EML1: variants seen among roughly 807,000 people sequenced by gnomAD.
EML1 encodes echinoderm microtubule-associated protein-like 1.
In EML1, 27 loss-of-function variants were observed where a neutral mutation model predicts 110.4. That is an observed-to-expected ratio of 0.24 (90% CI 0.18 to 0.34). EML1 has a LOEUF of 0.34. EML1 is among the 10% of genes least tolerant of loss of function. EML1 has a pLI of 1.00. For synonymous variants in EML1, 344 were observed against 385.8 expected, an observed-to-expected ratio of 0.89 and a Z score of 1.27; for missense variants, 741 against 1,030.9, an observed-to-expected ratio of 0.72 and a Z score of 3.85.
intron 9 of EML1, among the ~76,000 whole-genome samples, chr14:99,903,524 C>A (rs1052249903): frequency 2.6e-5 from 4 of 152,100 alleles, no homozygotes; most frequent in Non-Finnish European, 1.5e-5. Context: ...TTGGTTACTC[C>A]TGGAGCATAC....
At chr14:99,823,239 A>G (rs1276020617) in intron 1 of EML1, among the ~76,000 whole-genome samples, 1 of 152,068 alleles carries the variant, frequency 6.6e-6, no homozygotes, top group African/African-American at 2.4e-5. Context: ...TGCTGCTGGC[A>G]GAGTAGCTTC....
At position 99,785,639 on chromosome 14, in the gene EML1, A is replaced by C. The variant is rs190534024; in HGVS notation, c.-27+11626A>C. Among the ~76,000 whole-genome samples, 202 of 152,326 alleles carry C rather than the reference A, an allele frequency of 1.3e-3. 1 individual carries two copies. Among genetic ancestry groups the C allele is most frequent in the Non-Finnish European group, 2.4e-4 (16 of 68,036 alleles). On this transcript the variant is annotated intron_variant, in intron 1 of 22. Coordinates refer to the EML1 transcript ENST00000327921. ...TGATATTAATATCGGTTCTGAGCAA[A>C]AATTTTCACAGATCTTTGAAGAGCT...
In EML1 at chr14:99,781,465, G is replaced by T. The variant is rs570197813; in HGVS notation, c.-27+7452G>T. Among the ~76,000 whole-genome samples, 1 of 152,288 alleles carries T rather than the reference G, an allele frequency of 6.6e-6. No homozygotes were observed. The highest frequency in any genetic ancestry group is 2.1e-4 in the South Asian group (1 of 4,824). On this transcript the variant is annotated intron_variant, in intron 1 of 22. Coordinates refer to the EML1 transcript ENST00000327921. This position sits in a 1 kb window ranked among gnomAD's most constrained non-coding sequence, Gnocchi z 4.2. ...TCCTCTCTTGGCTTCTTCTGCATCC[G>T]CAGTGTGGTCTGGCGGGCCAGTTCC...
At chr14:99,909,811 G>A (rs559625309) in intron 11 of EML1, among the ~76,000 whole-genome samples, 1 of 152,260 alleles carries the variant, frequency 6.6e-6, no homozygotes, top group East Asian at 1.9e-4. Context: ...CTTTTGTCTG[G>A]ACGTTGTGGG....
intron 17 of EML1, among the ~76,000 whole-genome samples, chr14:99,923,827 AT>A (rs973615681): frequency 1.3e-5 from 2 of 151,968 alleles, no homozygotes; most frequent in African/African-American, 2.4e-5. Flanking sequence ...GTTTTTTGAA[AT>A]TTTTTTGTAG....
intron 8 of EML1, among the ~76,000 whole-genome samples, chr14:99,900,177 A>G (rs1177292565): frequency 7.3e-6 from 1 of 137,580 alleles, no homozygotes; most frequent in Admixed American, 7.7e-5. Flanking sequence ...AAGAATATTA[A>G]GCTCTTTTTT....
chr14:99,917,919 C>T, intron 16 of EML1, 70 bp downstream of exon 16: 2 of 1,486,210 alleles, frequency 1.3e-6, no homozygotes, highest in South Asian at 1.1e-5. Flanking sequence ...TCTATTTCCC[C>T]AGGAACAGGC....
At chr14:99,893,845 TATC>T (rs2059629317) in intron 5 of EML1, among the ~76,000 whole-genome samples, 2 of 152,234 alleles carry the variant, frequency 1.3e-5, no homozygotes, top group South Asian at 2.1e-4. Flanking sequence ...TCTTTGCCCT[TATC>T]ATATCCTGAG....
intron 13 of EML1, among the ~76,000 whole-genome samples, chr14:99,912,246 T>G (rs1474136475): frequency 1.3e-5 from 2 of 152,212 alleles, no homozygotes; most frequent in Non-Finnish European, 2.9e-5. Context: ...AACTAGTATT[T>G]GTTGAGTATC....
chr14:99,907,703 G>A lies in EML1; in HGVS notation c.1074G>A (p.Trp358Ter). 6.2e-7 allele frequency: 1 copy of A among 1,614,158 alleles called. No individual in the cohort carries two copies. The highest frequency in any genetic ancestry group is 8.5e-7 in the Non-Finnish European group (1 of 1,180,026). The part of the protein sequence containing the change: ...SNDHVLSVWD[W>*]QKEEKLADVK... ...ACCATGTGCTCTCTGTATGGGACTG[G>A]CAGAAAGAAGAAAAACTAGCAGATG... Residue 358 changes from tryptophan to a stop codon, truncating the protein, a stop_gained, in exon 10 of 22, where the codon TGG becomes TGA. Coordinates refer to ENST00000262233, the MANE Select transcript of EML1 (RefSeq NM_004434.3). LOFTEE classifies it high-confidence loss of function.
intron 1 of EML1, among the ~76,000 whole-genome samples, chr14:99,816,572 C>T (rs750811910): frequency 1.3e-5 from 2 of 152,236 alleles, no homozygotes. Context: ...TCACTCAGCT[C>T]GCCTGGTGAC....
Position 99,936,258 on chromosome 14 carries a change from C to T in EML1, c.2019C>T (p.Ser673=), listed in dbSNP as rs1275898206. 6.2e-7 allele frequency: 1 copy of T among 1,614,106 alleles called. No individual in the cohort carries two copies. The highest frequency in any genetic ancestry group is 1.1e-5 in the South Asian group (1 of 91,080). ...TRVGKCSGHS[S]FITHLDWSVN... is the part of the protein sequence containing the mutation. ...TTTTACCCTCCCAGGGTCATTCCAG[C>T]TTCATTACTCACCTGGACTGGTCTG... The change falls in exon 19 of 22, where the codon AGC becomes AGT. Residue 673 remains serine, a synonymous_variant. Coordinates refer to ENST00000262233, the MANE Select transcript of EML1 (RefSeq NM_004434.3). The surrounding 1 kb of genome is among the most constrained non-coding windows in gnomAD (Gnocchi z 5.5).
chr14:99,907,706 G>A lies in EML1; in HGVS notation c.1077G>A (p.Gln359=). Residue 359 remains glutamine, a synonymous_variant, in exon 10 of 22, where the codon CAG becomes CAA. Coordinates refer to ENST00000262233, the MANE Select transcript of EML1 (RefSeq NM_004434.3). ...NDHVLSVWDW[Q]KEEKLADVKC... is the part of the protein sequence containing the mutation. The stretch of plus-strand genomic sequence containing the variant: ...ATGTGCTCTCTGTATGGGACTGGCA[G>A]AAAGAAGAAAAACTAGCAGATGTGA... The A allele has an allele frequency of 6.2e-7, 1 of 1,614,214 alleles. No individual in the cohort carries two copies. The highest frequency in any genetic ancestry group is 2.2e-5 in the East Asian group (1 of 44,870).
intron 1 of EML1, among the ~76,000 whole-genome samples, chr14:99,810,625 G>A (rs1241836433): frequency 6.6e-6 from 1 of 152,098 alleles, no homozygotes; most frequent in Non-Finnish European, 1.5e-5. Context: ...TGAAGCAGTG[G>A]CTTTTTCAGA....
At chr14:99,913,098 C>T (rs1174473128) in intron 13 of EML1, among the ~76,000 whole-genome samples, 10 of 152,036 alleles carry the variant, frequency 6.6e-5, no homozygotes, top group Admixed American at 4.6e-4. Flanking sequence ...ATGTTTATGT[C>T]GATTTTTAAA....
chr14:99,893,551 T>C (rs2059623448), intron 5 of EML1, among the ~76,000 whole-genome samples: 1 of 152,070 alleles, frequency 6.6e-6, no homozygotes, highest in Non-Finnish European at 1.5e-5. Context: ...GAAACTGGGG[T>C]GCCCTCTTGA....
In EML1 at chr14:99,831,178, C is replaced by T. The variant is rs950743229; in HGVS notation, c.68-19675C>T. On this transcript the variant is annotated intron_variant, in intron 1 of 21. Transcript: ENST00000262233. ...TTAAAAAGTGGTAATGTTTTATAAA[C>T]GTACTCTGAGCAGTGTTTTCCAGTA... 6.6e-5 allele frequency among the ~76,000 whole-genome samples: 10 copies of T among 152,212 alleles called. 1 individual carries two copies. The highest frequency in any genetic ancestry group is 4.1e-4 in the South Asian group (2 of 4,832).
chr14:99,896,301 A>G (rs1193791066), intron 6 of EML1, among the ~76,000 whole-genome samples: 2 of 152,162 alleles, frequency 1.3e-5, no homozygotes, highest in Non-Finnish European at 2.9e-5. Flanking sequence ...TTATGGAATC[A>G]TATTCCTTAG....
intron 1 of EML1, among the ~76,000 whole-genome samples, chr14:99,794,435 T>C (rs1443810718): frequency 6.6e-6 from 1 of 152,212 alleles, no homozygotes. Flanking sequence ...TAGAATTTGC[T>C]TAAGTGCAGT....
Sources: gnomAD v4.1 joint callset for allele counts (sites outside exome capture counted in the v4.1 genomes callset) on GRCh38, gnomAD v4.1.1 for gene constraint, Gnocchi (gnomAD v3.1) non-coding constraint, MANE v1.5 for transcripts, NCBI Gene and HGNC (gene_info 2026-07-23, HGNC 2026-07-21) for gene names.